The following WWOX variants were observed in gnomAD, a reference collection of about 807,000 sequenced individuals.
WWOX encodes WW domain containing oxidoreductase.
A neutral mutation model predicts 46.2 loss-of-function variants in WWOX; 69 were observed. The ratio of observed to expected loss-of-function variants is 1.49; its 90% CI spans 1.23 to 1.82. The LOEUF (loss-of-function observed/expected upper bound fraction) is 1.82, where lower values mean the gene tolerates loss of function less well. Among genes scored for constraint, WWOX ranks in the 40% most tolerant of loss-of-function variants. The pLI is 0.00. For synonymous variants in WWOX, 359 were observed against 202.6 expected, an observed-to-expected ratio of 1.77 and a Z score of -6.56; for missense variants, 919 against 542.6, an observed-to-expected ratio of 1.69 and a Z score of -6.89.
intron 8 of WWOX, among the ~76,000 whole-genome samples, chr16:78,694,680 T>C (rs761791034): frequency 3.1e-4 from 47 of 152,228 alleles, no homozygotes; most frequent in Non-Finnish European, 6.3e-4. Flanking sequence ...TTCTAGACCA[T>C]GAAAAGACAG....
At chr16:78,850,121 A>G (rs1157915637) in intron 8 of WWOX, among the ~76,000 whole-genome samples, 1 of 152,110 alleles carries the variant, frequency 6.6e-6, no homozygotes, top group Non-Finnish European at 1.5e-5. Context: ...TTTAGTCTAC[A>G]GAAGTTTTCA....
intron 5 of WWOX, among the ~76,000 whole-genome samples, chr16:78,359,009 G>C (rs1298388615): frequency 6.6e-6 from 1 of 151,732 alleles, no homozygotes; most frequent in Non-Finnish European, 1.5e-5. Flanking sequence ...CACAGATTCT[G>C]TTTTCCATTT....
chr16:78,889,372 A>C (rs1351771632), intron 8 of WWOX, among the ~76,000 whole-genome samples: 1 of 109,754 alleles, frequency 9.1e-6, no homozygotes, highest in Non-Finnish European at 1.7e-5. Context: ...GATTTATACT[A>C]TGGATCAGCA....
chr16:78,222,496 C>T (rs191083195), intron 5 of WWOX, among the ~76,000 whole-genome samples: 85 of 152,082 alleles, frequency 5.6e-4, no homozygotes, highest in Non-Finnish European at 1.1e-3. Flanking sequence ...CAACTTTTTC[C>T]TGAAGAAAGA....
intron 6 of WWOX, among the ~76,000 whole-genome samples, chr16:78,418,651 A>G (rs781587443): frequency 6.6e-6 from 1 of 152,224 alleles, no homozygotes; most frequent in Non-Finnish European, 1.5e-5. Context: ...TTGGTTTTAT[A>G]TTAAAAAATC....
At chr16:78,482,788 C>T (rs1291827046) in intron 8 of WWOX, among the ~76,000 whole-genome samples, 2 of 152,242 alleles carry the variant, frequency 1.3e-5, no homozygotes, top group African/African-American at 2.4e-5. Context: ...AACGATAAGA[C>T]GCAGAACGTA....
chr16:78,546,017 G>C (rs897453160), intron 8 of WWOX, among the ~76,000 whole-genome samples: 1 of 152,186 alleles, frequency 6.6e-6, no homozygotes, highest in Non-Finnish European at 1.5e-5. Flanking sequence ...TGAGGGGGAC[G>C]CAGTTTAGTC....
At chr16:79,068,260 G>A (rs564787697) in intron 8 of WWOX, among the ~76,000 whole-genome samples, 2 of 152,322 alleles carry the variant, frequency 1.3e-5, no homozygotes, top group South Asian at 2.1e-4. Flanking sequence ...TGCCATGACT[G>A]TGTCAAGCAC....
intron 6 of WWOX, among the ~76,000 whole-genome samples, chr16:78,395,966 G>A (rs547941528): frequency 3.3e-5 from 5 of 152,252 alleles, no homozygotes; most frequent in Non-Finnish European, 7.4e-5. Flanking sequence ...CTGGATAAGT[G>A]AGGTACAGCA....
chr16:78,736,577 CTTGTT>C (rs148246469), intron 8 of WWOX, among the ~76,000 whole-genome samples: 1 of 150,850 alleles, frequency 6.6e-6, no homozygotes. Context: ...CTCTTTCTTT[CTTGTT>C]TTGTTTTGTT....
At chr16:79,095,679 T>C (rs897550813) in intron 8 of WWOX, among the ~76,000 whole-genome samples, 171 of 152,210 alleles carry the variant, frequency 1.1e-3, no homozygotes, top group African/African-American at 4.1e-3. Flanking sequence ...GAACCATTAT[T>C]TGTCACATGT....
intron 8 of WWOX, among the ~76,000 whole-genome samples, chr16:79,012,163 C>T (rs78933131): frequency 0.015 from 2,268 of 152,288 alleles, 21 homozygotes; most frequent in Non-Finnish European, 0.023. Context: ...TCTTCTATCT[C>T]TGCCCTGTCC....
intron 8 of WWOX, chr16:78,895,873 C>T (rs1041014070): frequency 6.6e-6 from 1 of 152,170 alleles, no homozygotes; most frequent in South Asian, 2.1e-4. Flanking sequence ...TGATACAGTT[C>T]ATGAAACCTC....
At chr16:79,149,912 C>G (rs1295090216) in intron 8 of WWOX, among the ~76,000 whole-genome samples, 3 of 152,186 alleles carry the variant, frequency 2.0e-5, no homozygotes, top group African/African-American at 7.2e-5. Flanking sequence ...TATCCATCAA[C>G]CCACCCATCC....
intron 8 of WWOX, among the ~76,000 whole-genome samples, chr16:79,106,310 C>G (rs2049306543): frequency 1.3e-5 from 2 of 152,190 alleles, no homozygotes; most frequent in East Asian, 1.9e-4. Flanking sequence ...GACCTCAAAA[C>G]TTTTACCTGT....
Position 78,848,679 on chromosome 16 carries a change from A to G in WWOX, c.1057-362929A>G, listed in dbSNP as rs147891130. 2.0e-5 allele frequency among the ~76,000 whole-genome samples: 3 copies of G among 152,290 alleles called. No homozygotes were observed. The East Asian group carries it at 5.8e-4, about 29-fold the overall frequency. ...TTGCCTAGGGCTGACCCTGAAGCAG[A>G]AAGCAAAGCCTAGATCAGTCTGCTC... On this transcript the variant is annotated intron_variant, in intron 8 of 8. Transcript: ENST00000566780.
At chr16:78,540,842 C>G (rs1172657353) in intron 8 of WWOX, among the ~76,000 whole-genome samples, 1 of 152,098 alleles carries the variant, frequency 6.6e-6, no homozygotes, top group Non-Finnish European at 1.5e-5. Context: ...TGTCACCATG[C>G]CAGGCTAATG....
At chr16:79,010,468 C>G (rs1238205178) in intron 8 of WWOX, among the ~76,000 whole-genome samples, 1 of 152,174 alleles carries the variant, frequency 6.6e-6, no homozygotes, top group Non-Finnish European at 1.5e-5. Flanking sequence ...GACCAATCCA[C>G]AGGTGATGGC....
At chr16:78,370,793 G>A (rs1488400250) in intron 5 of WWOX, among the ~76,000 whole-genome samples, 6 of 147,150 alleles carry the variant, frequency 4.1e-5, no homozygotes, top group Non-Finnish European at 7.5e-5. Context: ...TTTTTTGGGG[G>A]GGGGGGGGCA....
Sources: gnomAD v4.1 joint callset for allele counts (sites outside exome capture counted in the v4.1 genomes callset) on GRCh38, gnomAD v4.1.1 for gene constraint, MANE v1.5 for transcripts, NCBI Gene and HGNC (gene_info 2026-07-23, HGNC 2026-07-21) for gene names.